SPATA7: variants seen among roughly 807,000 people sequenced by gnomAD.
The protein encoded by SPATA7 is spermatogenesis associated 7, also known as spermatogenesis-associated protein 7.
A neutral mutation model predicts 51.8 loss-of-function variants in SPATA7; 43 were observed. The ratio of observed to expected loss-of-function variants is 0.83; its 90% CI spans 0.65 to 1.07. The LOEUF is 1.07. Among genes scored for constraint, SPATA7 ranks in the 50% least tolerant of loss-of-function variants. The pLI, the probability that SPATA7 is intolerant of heterozygous loss-of-function variation, is 0.00. For synonymous variants in SPATA7, 230 were observed against 252.8 expected, an observed-to-expected ratio of 0.91 and a Z score of 0.86; for missense variants, 683 against 701.3, an observed-to-expected ratio of 0.97 and a Z score of 0.30.
At chr14:88,455,690 A>T (rs964003125), downstream of SPATA7, among the ~76,000 whole-genome samples, 1 of 152,056 alleles carries the variant, frequency 6.6e-6, no homozygotes, top group Non-Finnish European at 1.5e-5. Flanking sequence ...AGTATTTTAC[A>T]TGAATAATTT....
At chr14:88,426,726 C>A (rs776965693) in intron 6 of SPATA7, 22 bp downstream of exon 6, 1 of 1,572,248 alleles carries the variant, frequency 6.4e-7, no homozygotes, top group Non-Finnish European at 8.7e-7. Flanking sequence ...CAGCAACCAA[C>A]AGTAAATCCT....
At position 88,408,154 on chromosome 14, in the gene SPATA7, A is replaced by G. The variant is rs944190895; in HGVS notation, c.239-8557A>G. On this transcript the variant is annotated intron_variant, in intron 4 of 11. Coordinates refer to ENST00000393545, the MANE Select transcript of SPATA7 (RefSeq NM_018418.5). The stretch of plus-strand genomic sequence containing the variant: ...TTTTCTAATTCTGTGAAGAAAGTCA[A>G]TGGTAGTTTGATGGGGATAGCACTG... 2.6e-5 allele frequency among the ~76,000 whole-genome samples: 4 copies of G among 152,088 alleles called. 1 individual carries two copies. Among genetic ancestry groups the G allele is most frequent in the Admixed American group, 6.6e-5 (1 of 15,264 alleles).
At chr14:88,468,347 GA>G in intron 4 of SPATA7, 3 of 1,378,342 alleles carry the variant, frequency 2.2e-6, no homozygotes, top group Non-Finnish European at 2.9e-6. Flanking sequence ...TGTCCTGGCA[GA>G]AACCTGGTTG....
intron 4 of SPATA7, among the ~76,000 whole-genome samples, chr14:88,399,345 A>G (rs980667137): frequency 3.9e-5 from 6 of 152,216 alleles, no homozygotes; most frequent in African/African-American, 1.4e-4. Flanking sequence ...GTTTGCAACA[A>G]ACCTTCGTGT....
intron 1 of SPATA7, among the ~76,000 whole-genome samples, chr14:88,388,352 G>A (rs533160422): frequency 6.6e-6 from 1 of 152,254 alleles, no homozygotes; most frequent in Admixed American, 6.5e-5. Context: ...ATCAAATTGT[G>A]TAGGAAAATG....
intron 4 of SPATA7, among the ~76,000 whole-genome samples, chr14:88,464,074 C>T (rs564686958): frequency 1.6e-4 from 25 of 152,126 alleles, no homozygotes; most frequent in African/African-American, 4.8e-4. Flanking sequence ...CTCCTGACAT[C>T]GTGATCCACC....
downstream of SPATA7, among the ~76,000 whole-genome samples, chr14:88,458,043 A>G (rs2077295424): frequency 6.6e-6 from 1 of 152,060 alleles, no homozygotes; most frequent in Non-Finnish European, 1.5e-5. Flanking sequence ...TGATTTGCAT[A>G]TGTTGAACCA....
chr14:88,426,908 C>T (rs996323696), intron 6 of SPATA7, among the ~76,000 whole-genome samples: 18 of 152,150 alleles, frequency 1.2e-4, no homozygotes, highest in African/African-American at 4.1e-4. Flanking sequence ...ACTGGTCAAG[C>T]ACCTTATGCG....
intron 4 of SPATA7, among the ~76,000 whole-genome samples, chr14:88,409,484 T>C (rs564308569): frequency 2.5e-4 from 38 of 152,224 alleles, no homozygotes; most frequent in Non-Finnish European, 5.0e-4. Flanking sequence ...CTCTATTTTC[T>C]TCTTTATTAG....
At position 88,426,523 on chromosome 14, in the gene SPATA7, A is replaced by T. The variant is rs1566779764; in HGVS notation, c.664A>T (p.Ser222Cys). The change falls in exon 6 of 12, where the codon AGT (serine) becomes TGT (cysteine). Residue 222 changes from serine (S) to cysteine (C), a missense_variant. Ser to Cys is a moderately radical substitution (Grantham distance 112). Transcript: ENST00000393545. ...RFQLVISKAP[S>C]GDLLDKHSEL... Reference sequence around the variant, plus strand: ...TCAGTTAGTCATTTCGAAAGCACCCAGTGGGGATCTTTTGGATAAACATTC... The same window carrying T: ...TCAGTTAGTCATTTCGAAAGCACCCTGTGGGGATCTTTTGGATAAACATTC... 2 of 1,614,100 alleles carry T rather than the reference A, an allele frequency of 1.2e-6. No homozygotes were observed. Among genetic ancestry groups the T allele is most frequent in the Non-Finnish European group, 1.7e-6 (2 of 1,180,042 alleles).
chr14:88,389,918 G>C (rs2075694296), intron 1 of SPATA7, among the ~76,000 whole-genome samples: 1 of 152,198 alleles, frequency 6.6e-6, no homozygotes, highest in East Asian at 1.9e-4. Context: ...TTCTTGGTCT[G>C]TTTCACATGA....
At chr14:88,426,184 A>T in intron 5 of SPATA7, 48 bp from the exon 6 acceptor site, 1 of 1,357,670 alleles carries the variant, frequency 7.4e-7, no homozygotes, top group Non-Finnish European at 1.0e-6. Context: ...ATCCCCAATT[A>T]CATGAATTCG....
chr14:88,442,458 T>C (rs2077184169), downstream of SPATA7, among the ~76,000 whole-genome samples: 1 of 152,172 alleles, frequency 6.6e-6, no homozygotes, highest in South Asian at 2.1e-4. Flanking sequence ...ATAGAAGGTA[T>C]GTTCCTTCTA....
chr14:88,456,672 G>A (rs543774077), downstream of SPATA7, among the ~76,000 whole-genome samples: 86 of 151,098 alleles, frequency 5.7e-4, no homozygotes, highest in African/African-American at 1.7e-3. Flanking sequence ...CATTCTGTAG[G>A]TTGTCTGTTC....
chr14:88,423,932 G>T (rs2076718519), intron 5 of SPATA7, among the ~76,000 whole-genome samples: 1 of 152,202 alleles, frequency 6.6e-6, no homozygotes, highest in South Asian at 2.1e-4. Flanking sequence ...CCTTAAAAAA[G>T]ATTGATTTAG....
intron 1 of SPATA7, among the ~76,000 whole-genome samples, chr14:88,389,037 A>G (rs961526669): frequency 7.9e-5 from 12 of 152,204 alleles, no homozygotes; most frequent in African/African-American, 2.4e-4. Context: ...AGTTGCTGCA[A>G]TATATTACCT....
chr14:88,446,111 G>C (rs578033488), intron 3 of SPATA7, among the ~76,000 whole-genome samples: 264 of 152,228 alleles, frequency 1.7e-3, no homozygotes, highest in African/African-American at 6.2e-3. Flanking sequence ...GAATCCATCT[G>C]GTCCTGGACT....
chr14:88,461,113 G>T (rs2077314387), intron 4 of SPATA7, among the ~76,000 whole-genome samples: 1 of 152,200 alleles, frequency 6.6e-6, no homozygotes, highest in Non-Finnish European at 1.5e-5. Context: ...GTGTCAGTCT[G>T]CCCCTACTGG....
At chr14:88,460,846 A>C (rs115812932) in intron 4 of SPATA7, among the ~76,000 whole-genome samples, 1 of 151,988 alleles carries the variant, frequency 6.6e-6, no homozygotes, top group Admixed American at 6.5e-5. Flanking sequence ...GGTTTTATCT[A>C]TCTCTGCTCT....
Sources: allele counts gnomAD v4.1 joint callset (sites outside exome capture counted in the v4.1 genomes callset), GRCh38; gene constraint gnomAD v4.1.1; transcripts MANE v1.5; gene names NCBI Gene and HGNC (gene_info 2026-07-23, HGNC 2026-07-21).